OPCML: variants seen among roughly 807,000 people sequenced by gnomAD.
The protein encoded by OPCML is opioid binding protein/cell adhesion molecule like, also known as opioid-binding protein/cell adhesion molecule.
OPCML carries 13 observed loss-of-function variants against 37.8 expected under a neutral mutation model. The ratio of observed to expected loss-of-function variants is 0.34; its 90% CI spans 0.22 to 0.55. The LOEUF is 0.55. OPCML is among the 20% of genes least tolerant of loss of function. The pLI is 0.91. For synonymous variants in OPCML, 176 were observed against 168.8 expected (o/e 1.04, Z -0.33); for missense variants, 341 against 435.6 (o/e 0.78, Z 1.93).
At position 132,420,124 on chromosome 11, in the gene OPCML, C is replaced by A; in HGVS notation, c.*69G>T. On this transcript the variant is annotated 3_prime_UTR_variant, in exon 8 of 8. Transcript: ENST00000524381. ...AAAAAGAAGCCCAAGCTGGTTTGCT[C>A]TCCGCAGTGTAGATTAAAGTCTGTG... 7.6e-7 allele frequency: 1 copy of A among 1,316,108 alleles called. No homozygotes were observed. The highest frequency in any genetic ancestry group is 1.1e-6 in the Non-Finnish European group (1 of 938,164). The allele number at this position is 1,316,108 out of a possible 1,614,324, so 81.5% of individuals were successfully genotyped here.
chr11:132,628,951 C>A (rs957271446), intron 3 of OPCML, among the ~76,000 whole-genome samples: 1 of 152,252 alleles, frequency 6.6e-6, no homozygotes, highest in African/African-American at 2.4e-5. Context: ...CTGAATTAAA[C>A]CTCTTTCCTT....
At chr11:133,239,219 A>T (rs1212446008) in intron 1 of OPCML, among the ~76,000 whole-genome samples, 3 of 152,322 alleles carry the variant, frequency 2.0e-5, no homozygotes, top group East Asian at 3.9e-4. Context: ...CACACCAAGT[A>T]CTCGGTCAGA....
At chr11:133,432,941 T>C (rs1946155131) in intron 1 of OPCML, among the ~76,000 whole-genome samples, 1 of 152,182 alleles carries the variant, frequency 6.6e-6, no homozygotes, top group Non-Finnish European at 1.5e-5. Flanking sequence ...AAAAAAATCA[T>C]TCAGGCACTA....
At chr11:133,027,242 A>C (rs12360866) in intron 1 of OPCML, among the ~76,000 whole-genome samples, 98,828 of 152,090 alleles carry the variant, frequency 0.65, 32,733 homozygotes, top group East Asian at 0.81. Flanking sequence ...CCACCAGGTT[A>C]TTTCTCTACT....
chr11:133,141,447 C>G (rs1026138282), intron 1 of OPCML, among the ~76,000 whole-genome samples: 1 of 152,240 alleles, frequency 6.6e-6, no homozygotes, highest in East Asian at 1.9e-4. Context: ...TCCTCAAGTC[C>G]TCTCCTGACC....
At chr11:133,261,966 T>C (rs779738823) in intron 1 of OPCML, among the ~76,000 whole-genome samples, 8 of 152,300 alleles carry the variant, frequency 5.3e-5, no homozygotes, top group Non-Finnish European at 1.2e-4. Flanking sequence ...CCGGGCACCA[T>C]TGTTCCTGTC....
intron 1 of OPCML, among the ~76,000 whole-genome samples, chr11:133,253,290 A>T (rs776029566): frequency 6.6e-6 from 1 of 152,116 alleles, no homozygotes; most frequent in Non-Finnish European, 1.5e-5. Flanking sequence ...TGAGTTTCAC[A>T]TAGTCAGTGC....
chr11:133,144,210 G>A (rs545724433), intron 1 of OPCML, among the ~76,000 whole-genome samples: 4 of 152,292 alleles, frequency 2.6e-5, no homozygotes, highest in South Asian at 2.1e-4. Context: ...GCTTCACTGC[G>A]CTCTCTTCCC....
chr11:132,488,694 TACTC>T (rs1242915133), intron 4 of OPCML, among the ~76,000 whole-genome samples: 2 of 152,248 alleles, frequency 1.3e-5, no homozygotes, highest in Non-Finnish European at 2.9e-5. Flanking sequence ...AGTCTTATCT[TACTC>T]TAACAACTAT....
At chr11:132,667,819 G>A (rs1942287548) in intron 2 of OPCML, among the ~76,000 whole-genome samples, 1 of 152,232 alleles carries the variant, frequency 6.6e-6, no homozygotes, top group Non-Finnish European at 1.5e-5. Context: ...GAACTATAGT[G>A]GGACTTATAG....
chr11:132,713,286 A>G (rs1392258624), intron 2 of OPCML, among the ~76,000 whole-genome samples: 1 of 152,192 alleles, frequency 6.6e-6, no homozygotes, highest in Non-Finnish European at 1.5e-5. Context: ...CTAATCCTAC[A>G]GGTGCAACAG....
chr11:132,488,996 G>A (rs1228939757), intron 4 of OPCML, among the ~76,000 whole-genome samples: 2 of 152,192 alleles, frequency 1.3e-5, no homozygotes, highest in Non-Finnish European at 2.9e-5. Flanking sequence ...ATGCTCTCAG[G>A]AGTGAAATGA....
chr11:133,345,264 T>C (rs1565583839), intron 1 of OPCML, among the ~76,000 whole-genome samples: 1 of 152,192 alleles, frequency 6.6e-6, no homozygotes, highest in Non-Finnish European at 1.5e-5. Context: ...CACTAGGTGT[T>C]CAAAGGGTAG....
At position 133,509,761 on chromosome 11, in the gene OPCML, G is replaced by T. The variant is rs115364192; in HGVS notation, c.61+22503C>A. Among the ~76,000 whole-genome samples the T allele has an allele frequency of 4.6e-3, 705 of 152,292 alleles. 4 individuals are homozygous for T. The highest frequency in any genetic ancestry group is 0.016 in the African/African-American group (680 of 41,542). On this transcript the variant is annotated intron_variant, in intron 1 of 7. Transcript: ENST00000524381. ...CCTCTCTAGCTAACCTGCTTAGGTA[G>T]CTGTTTCTGTTAGGTGGATCACTCA...
At chr11:132,545,657 G>A (rs2096367104) in intron 3 of OPCML, among the ~76,000 whole-genome samples, 3 of 151,940 alleles carry the variant, frequency 2.0e-5, no homozygotes, top group Admixed American at 2.0e-4. Context: ...TGTGTACTTA[G>A]GTAAAACAAG....
intron 2 of OPCML, among the ~76,000 whole-genome samples, chr11:132,684,556 A>G (rs1236411157): frequency 6.6e-6 from 1 of 152,202 alleles, no homozygotes; most frequent in African/African-American, 2.4e-5. Flanking sequence ...TTTAATATAT[A>G]TTTTTCTACC....
intron 2 of OPCML, among the ~76,000 whole-genome samples, chr11:132,833,737 C>T (rs1940848194): frequency 6.6e-6 from 1 of 152,068 alleles, no homozygotes; most frequent in Non-Finnish European, 1.5e-5. Flanking sequence ...TGTCACTAGG[C>T]CATAGGAATT....
intron 1 of OPCML, among the ~76,000 whole-genome samples, chr11:133,251,581 G>A (rs192579688): frequency 6.6e-6 from 1 of 151,844 alleles, no homozygotes; most frequent in Non-Finnish European, 1.5e-5. Flanking sequence ...TTTTTTTGGG[G>A]GGGGGAGGGG....
chr11:132,490,277 C>T (rs890349840), intron 4 of OPCML, among the ~76,000 whole-genome samples: 3 of 151,946 alleles, frequency 2.0e-5, no homozygotes, highest in Non-Finnish European at 4.4e-5. Context: ...CTGCATCCTA[C>T]TTATCAACAC....
Sources: gnomAD v4.1 joint callset for allele counts (sites outside exome capture counted in the v4.1 genomes callset) on GRCh38, gnomAD v4.1.1 for gene constraint, MANE v1.5 for transcripts, NCBI Gene and HGNC (gene_info 2026-07-23, HGNC 2026-07-21) for gene names.